Variants in PTPRQ observed in about 807,000 individuals in gnomAD.
The protein encoded by PTPRQ is phosphatidylinositol phosphatase PTPRQ.
In PTPRQ, 199 loss-of-function variants were observed where a neutral mutation model predicts 246.0. The observed-to-expected ratio is 0.81, with a 90% CI of 0.72 to 0.91. PTPRQ has a LOEUF of 0.91. Ranked by LOEUF, PTPRQ falls within the 40% of genes least tolerant of loss-of-function variation. The probability of loss-of-function intolerance (pLI) is 0.00; values close to 1 mark genes in which losing one functional copy is unlikely to be tolerated. For missense variants in PTPRQ, 2,624 were observed against 2,528.4 expected, an observed-to-expected ratio of 1.04 and a Z score of -0.81; for synonymous variants, 869 against 853.2, an observed-to-expected ratio of 1.02 and a Z score of -0.32.
chr12:80,598,452 C>T (rs1158035239), intron 26 of PTPRQ, among the ~76,000 whole-genome samples: 1 of 151,936 alleles, frequency 6.6e-6, no homozygotes, highest in Non-Finnish European at 1.5e-5. Context: ...AATTGCAGAG[C>T]TTCTTCAGGG....
chr12:80,493,132 C>T, intron 9 of PTPRQ, 143 bp from the exon 10 acceptor site: 4 of 920,752 alleles, frequency 4.3e-6, no homozygotes, highest in Non-Finnish European at 5.8e-6. Flanking sequence ...ATTTTGGAAT[C>T]TAAAGAAGAC....
chr12:80,536,972 A>G (rs916524876), intron 19 of PTPRQ, among the ~76,000 whole-genome samples: 6 of 152,218 alleles, frequency 3.9e-5, no homozygotes, highest in East Asian at 1.9e-4. Context: ...ATAATATAGC[A>G]TAAGTATCAA....
chr12:80,477,772 G>T (rs573635399), intron 8 of PTPRQ, among the ~76,000 whole-genome samples: 1 of 152,138 alleles, frequency 6.6e-6, no homozygotes, highest in East Asian at 1.9e-4. Flanking sequence ...GGTGATGGAC[G>T]GCACCTGGAA....
chr12:80,446,791 G>A (rs552409884), intron 3 of PTPRQ, among the ~76,000 whole-genome samples: 7 of 152,090 alleles, frequency 4.6e-5, no homozygotes, highest in African/African-American at 1.7e-4. Flanking sequence ...ATTCCATGGT[G>A]TATATATACC....
intron 17 of PTPRQ, among the ~76,000 whole-genome samples, chr12:80,528,269 T>C (rs1332544405): frequency 6.6e-6 from 1 of 152,152 alleles, no homozygotes; most frequent in African/African-American, 2.4e-5. Context: ...AATTGTATAT[T>C]CCTCCAATAG....
At chr12:80,602,635 A>G (rs975654789) in intron 26 of PTPRQ, among the ~76,000 whole-genome samples, 25 of 151,722 alleles carry the variant, frequency 1.6e-4, no homozygotes, top group African/African-American at 4.6e-4. Context: ...CCCATTCACC[A>G]TGGGAGGTAT....
At chr12:80,444,570 A>G (rs1892493693) in intron 1 of PTPRQ, among the ~76,000 whole-genome samples, 171 bp downstream of exon 1, 1 of 144,516 alleles carries the variant, frequency 6.9e-6, no homozygotes, top group South Asian at 2.1e-4. Flanking sequence ...ATTTGGTAAA[A>G]AGTTATATAA....
Position 80,460,760 on chromosome 12 carries a change from T to C in PTPRQ, c.768T>C (p.Asn256=). The C allele has an allele frequency of 2.5e-6, 1 of 400,544 alleles. No homozygotes were observed. The highest frequency in any genetic ancestry group is 3.2e-4 in the Middle Eastern group (1 of 3,100). 24.8% of individuals were successfully genotyped at this position (400,544 alleles called of 1,614,324 possible). ...TTHSSSTLTQ[N]EISSVWKEPI... Reference sequence around the variant, plus strand: ...ATTCATCAAGCACGTTGACACAGAATGAGATCAGCTCTGTGTGGAAAGAGC... The same window carrying C: ...ATTCATCAAGCACGTTGACACAGAACGAGATCAGCTCTGTGTGGAAAGAGC... Residue 256 remains asparagine (N), a synonymous_variant, in exon 6 of 45, where the codon AAT becomes AAC. Coordinates refer to ENST00000644991, the MANE Select transcript of PTPRQ (RefSeq NM_001145026.2).
chr12:80,647,871 C>T (rs1900126452), intron 35 of PTPRQ, among the ~76,000 whole-genome samples: 1 of 151,036 alleles, frequency 6.6e-6, no homozygotes, highest in African/African-American at 2.4e-5. Context: ...CTGGAAGATA[C>T]AACATCTCTT....
intron 33 of PTPRQ, among the ~76,000 whole-genome samples, chr12:80,627,254 C>G (rs1899236064): frequency 6.6e-6 from 1 of 151,336 alleles, no homozygotes; most frequent in Non-Finnish European, 1.5e-5. Flanking sequence ...AAATTATTTG[C>G]TCAGTGTTTG....
intron 6 of PTPRQ, among the ~76,000 whole-genome samples, chr12:80,467,739 CA>C (rs1484035586): frequency 1.5e-5 from 2 of 129,222 alleles, no homozygotes; most frequent in Non-Finnish European, 3.1e-5. Context: ...TCATCATTCT[CA>C]GTAAACTATC....
intron 34 of PTPRQ, among the ~76,000 whole-genome samples, chr12:80,632,552 C>T (rs1434417133): frequency 6.6e-6 from 1 of 152,096 alleles, no homozygotes; most frequent in Non-Finnish European, 1.5e-5. Flanking sequence ...TGTTAACTAG[C>T]AGAAATGGCT....
chr12:80,679,088 C>T lies in PTPRQ; in HGVS notation c.*65C>T. ...ATCCCAGGGGCCAAAGTTACCCCCT[C>T]ATTCTTCCGAATTGAAATGTGCAAC... On this transcript the variant is annotated 3_prime_UTR_variant, in exon 45 of 45. Transcript: ENST00000644991. The T allele has an allele frequency of 5.3e-6, 8 of 1,518,312 alleles. No individual in the cohort carries two copies. Among genetic ancestry groups the T allele is most frequent in the Non-Finnish European group, 7.1e-6 (8 of 1,132,960 alleles). The allele number at this position is 1,518,312 out of a possible 1,614,324, so 94.1% of individuals were successfully genotyped here.
chr12:80,648,833 C>T (rs1326528597), intron 35 of PTPRQ, 64 bp from the exon 36 acceptor site: 5 of 1,445,084 alleles, frequency 3.5e-6, no homozygotes, highest in South Asian at 1.6e-5. Context: ...CTTTAATCTA[C>T]ACTTCTTTCA....
intron 3 of PTPRQ, among the ~76,000 whole-genome samples, chr12:80,448,581 G>A (rs1055958152): frequency 3.3e-5 from 5 of 149,688 alleles, no homozygotes; most frequent in Non-Finnish European, 4.4e-5. Flanking sequence ...GTGTCCATGT[G>A]TTCTCATTGT....
In PTPRQ at chr12:80,444,327, G is replaced by T. The variant is rs1383596437; in HGVS notation, c.-19G>T. 8 of 1,327,426 alleles carry T rather than the reference G, an allele frequency of 6.0e-6. No homozygotes were observed. The highest frequency in any genetic ancestry group is 8.5e-6 in the Non-Finnish European group (8 of 946,716). The allele number at this position is 1,327,426 out of a possible 1,614,324, so 82.2% of individuals were successfully genotyped here. ...TAGAGCCATCAATGTGATTCTACTG[G>T]CTGAAAAATGTAATAAAGATGGATT... On this transcript the variant is annotated 5_prime_UTR_variant, in exon 1 of 45. Transcript: ENST00000644991.
At chr12:80,645,878 A>G (rs1900055202) in intron 35 of PTPRQ, among the ~76,000 whole-genome samples, 1 of 152,132 alleles carries the variant, frequency 6.6e-6, no homozygotes, top group Non-Finnish European at 1.5e-5. Flanking sequence ...GAATAATGTC[A>G]GAAATGTGGG....
intron 23 of PTPRQ, among the ~76,000 whole-genome samples, chr12:80,546,136 G>A (rs1057405018): frequency 6.6e-6 from 1 of 151,988 alleles, no homozygotes; most frequent in African/African-American, 2.4e-5. Context: ...TGGCCAACAT[G>A]GCTAAACTCT....
At chr12:80,482,660 A>G (rs1312079853) in intron 8 of PTPRQ, among the ~76,000 whole-genome samples, 3 of 151,404 alleles carry the variant, frequency 2.0e-5, no homozygotes, top group Non-Finnish European at 4.4e-5. Flanking sequence ...ATCTGCAATG[A>G]ACTCAAACAA....
Sources: gnomAD v4.1 joint callset for allele counts (sites outside exome capture counted in the v4.1 genomes callset) on GRCh38, gnomAD v4.1.1 for gene constraint, MANE v1.5 for transcripts, NCBI Gene and HGNC (gene_info 2026-07-23, HGNC 2026-07-21) for gene names.